Variants in ABHD17B observed in about 807,000 individuals in gnomAD.
ABHD17B encodes the protein alpha/beta hydrolase domain-containing protein 17B.
In ABHD17B, 9 loss-of-function variants were observed where a neutral mutation model predicts 26.2. The observed-to-expected ratio is 0.34, with a 90% CI of 0.21 to 0.60. The LOEUF (loss-of-function observed/expected upper bound fraction) is 0.60, where lower values mean the gene tolerates loss of function less well. Ranked by LOEUF, ABHD17B falls within the 20% of genes least tolerant of loss-of-function variation. The pLI is 0.80. For missense variants in ABHD17B, 224 were observed against 352.1 expected (o/e 0.64, Z 2.91); for synonymous variants, 127 against 122.3 (o/e 1.04, Z -0.25).
intron 1 of ABHD17B, among the ~76,000 whole-genome samples, chr9:71,877,234 AGAT>A (rs1448861442): frequency 6.6e-6 from 1 of 152,240 alleles, no homozygotes; most frequent in East Asian, 1.9e-4. Flanking sequence ...ACCTGCAGAA[AGAT>A]GATGAGGTAC....
intron 1 of ABHD17B, among the ~76,000 whole-genome samples, chr9:71,894,601 T>A (rs1201563025): frequency 6.6e-6 from 1 of 152,186 alleles, no homozygotes; most frequent in African/African-American, 2.4e-5. Flanking sequence ...AAAGCTACCT[T>A]CTAAAAGCAT....
At chr9:71,901,187 C>T (rs1163362782) in intron 1 of ABHD17B, among the ~76,000 whole-genome samples, 1 of 151,304 alleles carries the variant, frequency 6.6e-6, no homozygotes, top group Non-Finnish European at 1.5e-5. Flanking sequence ...TTTTTTTTTG[C>T]ATGTATCTGT....
rs1387231603 is a variant in ABHD17B, at chr9:71,866,877, A to G, written c.777T>C (p.Val259=). The G allele has an allele frequency of 1.2e-6, 2 of 1,614,196 alleles. No individual in the cohort carries two copies. Among genetic ancestry groups the G allele is most frequent in the Non-Finnish European group, 1.7e-6 (2 of 1,180,026 alleles). The part of the protein sequence containing the change: ...RCQRPVEPLW[V]EGAGHNDVEL... The stretch of plus-strand genomic sequence containing the variant: ...CCACATCATTGTGACCTGCTCCTTC[A>G]ACCCAGAGAGGCTCCACAGGTCTTT... The change falls in exon 4 of 4, where the codon GTT becomes GTC. Residue 259 remains valine, a synonymous_variant. Coordinates refer to ENST00000333421, the MANE Select transcript of ABHD17B (RefSeq NM_001025780.3).
Position 71,870,217 on chromosome 9 carries a change from T to C in ABHD17B, c.513A>G (p.Ile171Met). ...PENVIIYGQS[I>M]GTVPSVDLAA... ...CAAGATCCACAGACGGTACTGTCCC[T>C]ATACTTTGGCCATATATAATCACAT... is the stretch of plus-strand genomic sequence containing the variant. The change falls in exon 3 of 4, where the codon ATA becomes ATG. Residue 171 changes from isoleucine (I) to methionine (M), a missense_variant. By Grantham distance (10) the Ile-to-Met change is conservative. Coordinates refer to ENST00000333421, the MANE Select transcript of ABHD17B (RefSeq NM_001025780.3). The C allele has an allele frequency of 6.2e-7, 1 of 1,610,946 alleles. No individual in the cohort carries two copies. Among genetic ancestry groups the C allele is most frequent in the Non-Finnish European group, 8.5e-7 (1 of 1,179,020 alleles).
chr9:71,893,519 T>C (rs1196617360), intron 1 of ABHD17B, among the ~76,000 whole-genome samples: 2 of 152,208 alleles, frequency 1.3e-5, no homozygotes, highest in Non-Finnish European at 2.9e-5. Context: ...GCAAGGCATG[T>C]AGGAAGGGGA....
intron 1 of ABHD17B, among the ~76,000 whole-genome samples, chr9:71,876,535 T>C (rs1447265587): frequency 6.6e-6 from 1 of 152,048 alleles, no homozygotes; most frequent in Non-Finnish European, 1.5e-5. Context: ...AATTAGGCCA[T>C]TGCTTAGTTC....
At position 71,865,156 on chromosome 9, in the gene ABHD17B, T is replaced by C. The variant is rs1282073640; in HGVS notation, c.*1631A>G. The stretch of plus-strand genomic sequence containing the variant: ...AAAAAGGCAAATAAGCACAGGTCAG[T>C]GGTATATTTGTTGTTTTACTGTTAA... On this transcript the variant is annotated 3_prime_UTR_variant, in exon 4 of 4. Coordinates refer to ENST00000333421, the MANE Select transcript of ABHD17B (RefSeq NM_001025780.3). 3.0e-6 allele frequency: 3 copies of C among 985,364 alleles called. No homozygotes were observed. The highest frequency in any genetic ancestry group is 5.2e-4 in the Middle Eastern group (1 of 1,914). 61.0% of individuals were successfully genotyped at this position (985,364 alleles called of 1,614,324 possible).
intron 1 of ABHD17B, among the ~76,000 whole-genome samples, chr9:71,905,866 A>C (rs1827266008): frequency 6.6e-6 from 1 of 152,044 alleles, no homozygotes; most frequent in Non-Finnish European, 1.5e-5. Context: ...CAACATGGTG[A>C]AATCCTTGTC....
chr9:71,873,345 T>C (rs1564061713), intron 2 of ABHD17B, among the ~76,000 whole-genome samples: 2 of 152,162 alleles, frequency 1.3e-5, no homozygotes, highest in Non-Finnish European at 2.9e-5. Flanking sequence ...GCTGCTATAA[T>C]CAAAGAATAA....
At chr9:71,883,597 A>G (rs1364064275) in intron 1 of ABHD17B, among the ~76,000 whole-genome samples, 2 of 152,228 alleles carry the variant, frequency 1.3e-5, no homozygotes, top group Admixed American at 6.5e-5. Flanking sequence ...ACAAAAGACA[A>G]ACATTGGTAG....
At position 71,866,983 on chromosome 9, in the gene ABHD17B, G is replaced by T. The variant is rs986417591; in HGVS notation, c.671C>A (p.Thr224Asn). The stretch of plus-strand genomic sequence containing the variant: ...CCCATGAATTATTAATACTGGAGAG[G>T]TTATCTTAGAGATTTTGTCAATGCT... ...FPNIDKISKI[T>N]SPVLIIHGTE... The change falls in exon 4 of 4, where the codon ACC (threonine) becomes AAC (asparagine). Residue 224 changes from threonine (T) to asparagine (N), a missense_variant. Transcript: ENST00000333421. 1.9e-6 allele frequency: 3 copies of T among 1,614,042 alleles called. No homozygotes were observed. The highest frequency in any genetic ancestry group is 2.5e-6 in the Non-Finnish European group (3 of 1,179,990).
chr9:71,887,762 A>G (rs1439642067), intron 1 of ABHD17B, among the ~76,000 whole-genome samples: 1 of 152,244 alleles, frequency 6.6e-6, no homozygotes, highest in East Asian at 1.9e-4. Flanking sequence ...ATCAAAGTAC[A>G]TATACGTAAA....
At chr9:71,904,936 C>G (rs189229980) in intron 1 of ABHD17B, among the ~76,000 whole-genome samples, 7 of 152,220 alleles carry the variant, frequency 4.6e-5, no homozygotes, top group African/African-American at 1.7e-4. Context: ...TATATACAAA[C>G]AGTTCAACAA....
In ABHD17B at chr9:71,904,269, G is replaced by T. The variant is rs532176543; in HGVS notation, c.-4+6365C>A. Among the ~76,000 whole-genome samples, 11 of 152,214 alleles carry T rather than the reference G, an allele frequency of 7.2e-5. No homozygotes were observed. The East Asian group carries it at 2.1e-3, about 29-fold the overall frequency. ...GAAGCTAGGGAGCTTTGCTTGTTTT[G>T]CTCATAGACGTCATCCCCACCCTCC... On this transcript the variant is annotated intron_variant, in intron 1 of 3. Coordinates refer to ENST00000333421, the MANE Select transcript of ABHD17B (RefSeq NM_001025780.3).
downstream of ABHD17B, among the ~76,000 whole-genome samples, chr9:71,863,860 C>T (rs112083734): frequency 3.7e-3 from 571 of 152,278 alleles, 3 homozygotes; most frequent in Middle Eastern, 0.014. Flanking sequence ...TTTCAGTTTA[C>T]GGTACCTTTT....
intron 1 of ABHD17B, among the ~76,000 whole-genome samples, chr9:71,898,886 T>C (rs1827047127): frequency 6.6e-6 from 1 of 151,934 alleles, no homozygotes; most frequent in Non-Finnish European, 1.5e-5. Flanking sequence ...ACTTTGCGAG[T>C]CTGAGGTGGA....
downstream of ABHD17B, among the ~76,000 whole-genome samples, chr9:71,863,197 T>C (rs1270092038): frequency 6.6e-6 from 1 of 152,210 alleles, no homozygotes; most frequent in Non-Finnish European, 1.5e-5. Context: ...TATGTTAGTA[T>C]GTACAAAAGC....
At chr9:71,909,754 T>C (rs1165233338) in intron 1 of ABHD17B, among the ~76,000 whole-genome samples, 1 of 152,210 alleles carries the variant, frequency 6.6e-6, no homozygotes, top group African/African-American at 2.4e-5. Flanking sequence ...TCACCCTCTG[T>C]ATTCCGTTAT....
At chr9:71,891,560 T>C (rs896180664) in intron 1 of ABHD17B, among the ~76,000 whole-genome samples, 2 of 152,202 alleles carry the variant, frequency 1.3e-5, no homozygotes, top group African/African-American at 4.8e-5. Context: ...TTCTTGACTG[T>C]TCATATTTCT....
Sources: gnomAD v4.1 joint callset for allele counts (sites outside exome capture counted in the v4.1 genomes callset) on GRCh38, gnomAD v4.1.1 for gene constraint, MANE v1.5 for transcripts, NCBI Gene and HGNC (gene_info 2026-07-23, HGNC 2026-07-21) for gene names.